The following GPR174 variants were observed in gnomAD, a reference collection of about 807,000 sequenced individuals.
GPR174 encodes probable G protein-coupled receptor 174.
GPR174 carries 8 observed loss-of-function variants against 16.5 expected under a neutral mutation model. That is an observed-to-expected ratio of 0.48 (90% CI 0.28 to 0.87). The LOEUF (loss-of-function observed/expected upper bound fraction) is 0.87. Ranked by LOEUF, GPR174 falls within the 40% of genes least tolerant of loss-of-function variation. The pLI is 0.09. For missense variants in GPR174, 214 were observed against 247.5 expected, an observed-to-expected ratio of 0.86 and a Z score of 0.91; for synonymous variants, 111 against 94.8, an observed-to-expected ratio of 1.17 and a Z score of -0.99.
At chrX:79,150,087 A>T (rs1038297714) in intron 1 of GPR174, among the ~76,000 whole-genome samples, 1 of 111,640 alleles carries the variant, frequency 9.0e-6, no homozygotes, top group African/African-American at 3.3e-5. Context: ...ATCTCTGGGA[A>T]TCATTAAATT....
chrX:79,171,772 G>C lies in GPR174; in HGVS notation c.765G>C (p.Leu255=), dbSNP rs757207675. The part of the protein sequence containing the change: ...PYHFSFPLDF[L]VKSNEIKSCL... ...ATTTCAGTTTTCCTTTAGATTTCCT[G>C]GTGAAGTCCAATGAAATTAAAAGCT... is the stretch of plus-strand genomic sequence containing the variant. The change falls in exon 3 of 3, where the codon CTG becomes CTC. Residue 255 remains leucine, a synonymous_variant. Transcript: ENST00000645147. 2 of 1,210,957 alleles carry C rather than the reference G, an allele frequency of 1.7e-6. No individual in the cohort carries two copies. The highest frequency in any genetic ancestry group is 4.3e-5 in the Admixed American group (2 of 45,978).
chrX:79,167,887 T>A (rs1921415241), intron 2 of GPR174, among the ~76,000 whole-genome samples: 1 of 112,017 alleles, frequency 8.9e-6, no homozygotes. Context: ...TCATAGAAGA[T>A]GTTGAAGCTA....
chrX:79,170,900 T>G lies in GPR174; in HGVS notation c.-108T>G, dbSNP rs1381244669. 3.1e-6 allele frequency: 2 copies of G among 641,183 alleles called. No individual in the cohort carries two copies. Among genetic ancestry groups the G allele is most frequent in the Non-Finnish European group, 4.8e-6 (2 of 418,078 alleles). The allele number at this position is 641,183 out of a possible 1,213,427, so 52.8% of individuals were successfully genotyped here. A position where few individuals can be genotyped will look rare whatever the true frequency, so the allele number is the denominator to read the frequency against. On this transcript the variant is annotated 5_prime_UTR_variant, in exon 3 of 3. Coordinates refer to ENST00000645147, the MANE Select transcript of GPR174 (RefSeq NM_032553.3). The stretch of plus-strand genomic sequence containing the variant: ...TAAAAAGAGGAAGGTTATTTTATAC[T>G]TCGTATCTCCAACCCACTGGCAATC...
intron 1 of GPR174, among the ~76,000 whole-genome samples, chrX:79,151,602 T>C (rs149346176): frequency 5.7e-4 from 64 of 111,593 alleles, no homozygotes; most frequent in African/African-American, 2.0e-3. Context: ...ATCAAGAGAG[T>C]TGGTAATAGA....
chrX:79,153,017 T>C (rs955849767), intron 1 of GPR174, among the ~76,000 whole-genome samples: 3 of 112,068 alleles, frequency 2.7e-5, no homozygotes, highest in Non-Finnish European at 5.7e-5. Context: ...GAAGTGCTTA[T>C]GAGGAGCAAA....
intron 1 of GPR174, among the ~76,000 whole-genome samples, chrX:79,156,105 T>A (rs1279256313): frequency 8.9e-6 from 1 of 112,318 alleles, no homozygotes; most frequent in Non-Finnish European, 1.9e-5. Context: ...CTTCTTGTAG[T>A]ATTTTCACTT....
intron 1 of GPR174, among the ~76,000 whole-genome samples, chrX:79,149,623 G>T (rs1465582425): frequency 9.0e-6 from 1 of 111,707 alleles, no homozygotes; most frequent in Non-Finnish European, 1.9e-5. Context: ...CCTAGCTGAA[G>T]CAGAGTATGA....
chrX:79,147,097 T>A (rs1283405578), intron 1 of GPR174, among the ~76,000 whole-genome samples: 1 of 111,772 alleles, frequency 8.9e-6, no homozygotes, highest in Non-Finnish European at 1.9e-5. Context: ...CTTGTCACTT[T>A]CAGAGCAATG....
intron 1 of GPR174, among the ~76,000 whole-genome samples, chrX:79,146,865 A>G (rs1288835452): frequency 9.0e-6 from 1 of 111,326 alleles, no homozygotes; most frequent in East Asian, 2.8e-4. Context: ...CCGCTCATAG[A>G]TACTTTAGGC....
rs185613491 is a variant in GPR174 at position 79,158,899 on chromosome X, T to C, written c.-557+1981T>C. The stretch of plus-strand genomic sequence containing the variant: ...AAGTAATGTAAAGACTGCAACTAGA[T>C]TGTTTGTAACTTGAAGGATAAATGC... On this transcript the variant is annotated intron_variant, in intron 2 of 2. Transcript: ENST00000645147. Among the ~76,000 whole-genome samples, 9 of 108,752 alleles carry C rather than the reference T, an allele frequency of 8.3e-5. No homozygotes were observed. In the East Asian group the frequency reaches 2.6e-3, roughly 31 times the overall value. The allele number at this position is 108,752 out of a possible 115,157, so 94.4% of individuals were successfully genotyped here.
intron 1 of GPR174, among the ~76,000 whole-genome samples, chrX:79,149,357 C>T (rs1479142164): frequency 9.0e-6 from 1 of 111,365 alleles, no homozygotes; most frequent in African/African-American, 3.3e-5. Context: ...GTTGACTTCT[C>T]TCTCTTCTAA....
At chrX:79,167,807 T>A (rs1360350791) in intron 2 of GPR174, among the ~76,000 whole-genome samples, 3 of 112,227 alleles carry the variant, frequency 2.7e-5, no homozygotes, top group Admixed American at 1.9e-4. Context: ...AAGGCAATGT[T>A]CACAATAACT....
At chrX:79,155,861 C>A (rs779979295) in intron 1 of GPR174, among the ~76,000 whole-genome samples, 21 of 111,533 alleles carry the variant, frequency 1.9e-4, no homozygotes, top group African/African-American at 6.5e-4. Flanking sequence ...TCATTGGATG[C>A]CTTCCCTCTG....
In GPR174 at chrX:79,145,050, CTTTCTTTCTTTCT is replaced by C. The variant is rs1224644230; in HGVS notation, c.-817_-805del. On this transcript the variant is annotated 5_prime_UTR_variant, in exon 1 of 3. Coordinates refer to ENST00000645147, the MANE Select transcript of GPR174 (RefSeq NM_032553.3). ...TCTTTCTTTCTTTCTTTCTTTCTTT[CTTTCTTTCTTTCT>C]TTTTTTTCTCCTTTTGCTAGTGAAG... is the stretch of plus-strand genomic sequence containing the variant. 4.4e-5 allele frequency: 2 copies of C among 45,572 alleles called. No individual in the cohort carries two copies. Among genetic ancestry groups the C allele is most frequent in the African/African-American group, 8.7e-5 (1 of 11,444 alleles). The allele number at this position is 45,572 out of a possible 1,213,427, so 3.8% of individuals were successfully genotyped here.
At position 79,171,281 on chromosome X, in the gene GPR174, A is replaced by G; in HGVS notation, c.274A>G (p.Met92Val). Residue 92 changes from methionine (M) to valine (V), a missense_variant, in exon 3 of 3, where the codon ATG becomes GTG. By Grantham distance (21) the Met-to-Val change is conservative. Coordinates refer to ENST00000645147, the MANE Select transcript of GPR174 (RefSeq NM_032553.3). ...CTGGCCATTTGGGCCTGGTCTCTGCATGTTCTGTTTCTACCTGAAGTATGT... is the reference window on the plus strand; with the variant it reads ...CTGGCCATTTGGGCCTGGTCTCTGCGTGTTCTGTTTCTACCTGAAGTATGT... ...HDWPFGPGLCMFCFYLKYVNM... is the reference protein window; with the variant it reads ...HDWPFGPGLCVFCFYLKYVNM... 3 of 1,211,549 alleles carry G rather than the reference A, an allele frequency of 2.5e-6. No individual in the cohort carries two copies. Among genetic ancestry groups the G allele is most frequent in the Non-Finnish European group, 1.1e-6 (1 of 895,230 alleles).
In GPR174 at chrX:79,173,796, T is replaced by TA. The variant is rs1921574932; in HGVS notation, c.*1790dup. ...TTGTAAGGTATATGTTTTGATGTGT[T>TA]AAATAAGTTTTCAATAAGTGTTAAA... is the stretch of plus-strand genomic sequence containing the variant. On this transcript the variant is annotated 3_prime_UTR_variant, in exon 3 of 3. Transcript: ENST00000645147. 1 of 112,484 alleles carries TA rather than the reference T, an allele frequency of 8.9e-6. No individual in the cohort carries two copies. The highest frequency in any genetic ancestry group is 9.4e-5 in the Admixed American group (1 of 10,629). 9.3% of individuals were successfully genotyped at this position (112,484 alleles called of 1,213,427 possible).
Position 79,173,156 on chromosome X carries a change from A to G in GPR174, c.*1147A>G, listed in dbSNP as rs1921558974. 8.9e-6 allele frequency: 1 copy of G among 111,913 alleles called. No homozygotes were observed. Among genetic ancestry groups the G allele is most frequent in the Non-Finnish European group, 1.9e-5 (1 of 53,150 alleles). 9.2% of individuals were successfully genotyped at this position (111,913 alleles called of 1,213,427 possible). ...TTGCATACATATTACAGTCAGTCAC[A>G]TGGACCCTAGAATCCACATTGATTT... On this transcript the variant is annotated 3_prime_UTR_variant, in exon 3 of 3. Coordinates refer to ENST00000645147, the MANE Select transcript of GPR174 (RefSeq NM_032553.3).
intron 1 of GPR174, among the ~76,000 whole-genome samples, chrX:79,155,371 C>T (rs1456689568): frequency 2.7e-5 from 3 of 111,152 alleles, no homozygotes; most frequent in Non-Finnish European, 5.7e-5. Flanking sequence ...TCTGTTTCTC[C>T]CACTTTGTTA....
At chrX:79,168,576 C>A (rs192775811) in intron 2 of GPR174, among the ~76,000 whole-genome samples, 1 of 109,291 alleles carries the variant, frequency 9.1e-6, no homozygotes, top group African/African-American at 3.3e-5. Context: ...TAGTATGCAC[C>A]TGTTGTCCCA....
Sources: gnomAD v4.1 joint callset for allele counts (sites outside exome capture counted in the v4.1 genomes callset) on GRCh38, gnomAD v4.1.1 for gene constraint, MANE v1.5 for transcripts, NCBI Gene and HGNC (gene_info 2026-07-23, HGNC 2026-07-21) for gene names.